Variants in PCLO observed in about 807,000 individuals in gnomAD.
The protein encoded by PCLO is protein piccolo.
A neutral mutation model predicts 427.5 loss-of-function variants in PCLO; 82 were observed. The observed-to-expected ratio is 0.19, with a 90% CI of 0.16 to 0.23. The LOEUF (loss-of-function observed/expected upper bound fraction) is 0.23, where lower values mean the gene tolerates loss of function less well. PCLO is among the 10% of genes least tolerant of loss of function. The pLI is 1.00. For missense variants in PCLO, 6,239 were observed against 6,115.9 expected (o/e 1.02, Z -0.67); for synonymous variants, 2,357 against 2,155.4 (o/e 1.09, Z -2.59).
At chr7:83,111,356 C>T (rs1790997698) in intron 3 of PCLO, among the ~76,000 whole-genome samples, 1 of 152,186 alleles carries the variant, frequency 6.6e-6, no homozygotes, top group Admixed American at 6.5e-5. Context: ...AATTAGGTTA[C>T]TAATCAGTTG....
intron 3 of PCLO, among the ~76,000 whole-genome samples, chr7:82,997,074 A>G (rs1269756685): frequency 6.6e-6 from 1 of 151,984 alleles, no homozygotes; most frequent in African/African-American, 2.4e-5. Context: ...ACTTGAGAAT[A>G]AAAGTTGGAG....
Position 83,087,391 on chromosome 7 carries a change from C to A in PCLO, c.3300+46859G>T, listed in dbSNP as rs556712033. Among the ~76,000 whole-genome samples, 4 of 151,958 alleles carry A rather than the reference C, an allele frequency of 2.6e-5. No homozygotes were observed. In the South Asian group the frequency reaches 8.3e-4, roughly 32 times the overall value. On this transcript the variant is annotated intron_variant, in intron 3 of 24. Transcript: ENST00000333891. ...GTAATGGGAGCACTAAAATCTCAGA[C>A]TTCACCACCACTATGCAATTCATCT...
chr7:83,024,978 A>C (rs193975), intron 3 of PCLO, among the ~76,000 whole-genome samples: 33,406 of 152,146 alleles, frequency 0.22, 4,418 homozygotes, highest in Middle Eastern at 0.34. Flanking sequence ...AAAGACCAAA[A>C]GTAGATAAAA....
At chr7:83,086,251 T>TAG (rs752330345) in intron 3 of PCLO, among the ~76,000 whole-genome samples, 14 of 151,936 alleles carry the variant, frequency 9.2e-5, no homozygotes, top group Non-Finnish European at 1.9e-4. Flanking sequence ...GCTGGGATTA[T>TAG]AGGCACATGC....
chr7:82,837,000 T>A (rs890712424), intron 15 of PCLO, among the ~76,000 whole-genome samples: 1 of 152,130 alleles, frequency 6.6e-6, no homozygotes, highest in Non-Finnish European at 1.5e-5. Flanking sequence ...TTGCTATTGA[T>A]GGGTAGTATA....
chr7:82,998,332 G>A (rs1273717705), intron 3 of PCLO, among the ~76,000 whole-genome samples: 1 of 151,942 alleles, frequency 6.6e-6, no homozygotes, highest in African/African-American at 2.4e-5. Context: ...GAAAGGAAAA[G>A]GTGCCAGGCT....
intron 19 of PCLO, among the ~76,000 whole-genome samples, 178 bp from the exon 20 acceptor site, chr7:82,822,867 G>A (rs1791830323): frequency 6.6e-6 from 1 of 152,090 alleles, no homozygotes; most frequent in Non-Finnish European, 1.5e-5. Flanking sequence ...AACAATTTGG[G>A]GGAGGAAAGG....
At chr7:83,068,835 G>T (rs1789735922) in intron 3 of PCLO, among the ~76,000 whole-genome samples, 1 of 152,120 alleles carries the variant, frequency 6.6e-6, no homozygotes, top group South Asian at 2.1e-4. Flanking sequence ...CATGTTCATT[G>T]CAGCATTATT....
intron 13 of PCLO, among the ~76,000 whole-genome samples, chr7:82,842,657 T>C (rs950042194): frequency 6.6e-6 from 1 of 152,064 alleles, no homozygotes; most frequent in Non-Finnish European, 1.5e-5. Context: ...AAACCGTACA[T>C]CTGACAGGGT....
At chr7:83,137,428 A>G (rs1177602002) in intron 2 of PCLO, among the ~76,000 whole-genome samples, 1 of 152,088 alleles carries the variant, frequency 6.6e-6, no homozygotes, top group Non-Finnish European at 1.5e-5. Flanking sequence ...ATATTCATTC[A>G]TTCATTCATT....
At chr7:83,006,248 A>G (rs1417215845) in intron 3 of PCLO, among the ~76,000 whole-genome samples, 21 of 151,690 alleles carry the variant, frequency 1.4e-4, no homozygotes, top group Non-Finnish European at 5.9e-5. Flanking sequence ...TCGTGAGTTA[A>G]TAACATAATA....
chr7:83,114,610 C>A (rs1791087332), intron 3 of PCLO, among the ~76,000 whole-genome samples: 1 of 151,816 alleles, frequency 6.6e-6, no homozygotes, highest in African/African-American at 2.4e-5. Flanking sequence ...TAGTGTAGCA[C>A]CTTACGTGAC....
intron 19 of PCLO, 47 bp downstream of exon 19, chr7:82,824,189 G>T (rs1442362664): frequency 1.5e-6 from 2 of 1,336,384 alleles, no homozygotes; most frequent in South Asian, 1.3e-5. Flanking sequence ...GATACAGACT[G>T]AACAAATAGA....
At chr7:83,094,504 G>A (rs1164709482) in intron 3 of PCLO, among the ~76,000 whole-genome samples, 3 of 152,154 alleles carry the variant, frequency 2.0e-5, no homozygotes, top group Non-Finnish European at 2.9e-5. Flanking sequence ...ACTGTGTCTG[G>A]CCTAGGGAAT....
chr7:82,801,712 C>G, intron 21 of PCLO, 121 bp from the exon 22 acceptor site: 1 of 622,482 alleles, frequency 1.6e-6, no homozygotes, highest in Non-Finnish European at 2.8e-6. Flanking sequence ...TACTTTTGCA[C>G]AACCGAATAT....
intron 3 of PCLO, among the ~76,000 whole-genome samples, chr7:83,089,557 C>T (rs1228511580): frequency 6.6e-6 from 1 of 152,176 alleles, no homozygotes; most frequent in African/African-American, 2.4e-5. Flanking sequence ...GTAGGTAATG[C>T]TCCCTACTTA....
intron 6 of PCLO, among the ~76,000 whole-genome samples, chr7:82,924,234 T>A (rs1041422462): frequency 2.6e-5 from 4 of 152,026 alleles, no homozygotes; most frequent in African/African-American, 9.7e-5. Context: ...AAAAGATACA[T>A]TCTAGGTTAT....
chr7:82,929,999 A>G, intron 6 of PCLO, among the ~76,000 whole-genome samples: 1 of 152,186 alleles, frequency 6.6e-6, no homozygotes, highest in Admixed American at 6.6e-5. Flanking sequence ...AGAGCTTAGA[A>G]AAAGTAATAG....
chr7:83,009,393 G>A (rs111455225), intron 3 of PCLO, among the ~76,000 whole-genome samples: 50 of 151,902 alleles, frequency 3.3e-4, no homozygotes, highest in African/African-American at 1.0e-3. Context: ...TGTGATTTGT[G>A]AGCAAGTTAT....
Sources: allele counts gnomAD v4.1 joint callset (sites outside exome capture counted in the v4.1 genomes callset), GRCh38; gene constraint gnomAD v4.1.1; transcripts MANE v1.5; gene names NCBI Gene and HGNC (gene_info 2026-07-23, HGNC 2026-07-21).